MDGA2: variants seen among roughly 807,000 people sequenced by gnomAD.
MDGA2 encodes MAM domain-containing glycosylphosphatidylinositol anchor protein 2.
A neutral mutation model predicts 117.8 loss-of-function variants in MDGA2; 40 were observed. The ratio of observed to expected loss-of-function variants is 0.34; its 90% CI spans 0.26 to 0.44. MDGA2 has a LOEUF of 0.44. MDGA2 is among the 20% of genes least tolerant of loss of function. MDGA2 has a pLI of 1.00. For missense variants in MDGA2, 1,123 were observed against 1,250.6 expected (o/e 0.90, Z 1.54); for synonymous variants, 452 against 439.0 (o/e 1.03, Z -0.37).
At chr14:47,247,679 C>T (rs1808628727) in intron 2 of MDGA2, among the ~76,000 whole-genome samples, 1 of 148,058 alleles carries the variant, frequency 6.8e-6, no homozygotes, top group Non-Finnish European at 1.5e-5. Context: ...TTCTGGGATA[C>T]ATGTGCAGAA....
At chr14:47,441,848 T>C (rs965074425) in intron 1 of MDGA2, among the ~76,000 whole-genome samples, 1 of 152,178 alleles carries the variant, frequency 6.6e-6, no homozygotes, top group Non-Finnish European at 1.5e-5. Context: ...AGGACAAAGC[T>C]GAGAATGATT....
intron 1 of MDGA2, among the ~76,000 whole-genome samples, chr14:47,426,148 T>C (rs958322434): frequency 1.3e-5 from 2 of 152,124 alleles, no homozygotes; most frequent in South Asian, 2.1e-4. Flanking sequence ...TTGGCGGGGA[T>C]ACATTCTTCT....
chr14:47,377,670 C>A (rs1891510628), intron 1 of MDGA2, among the ~76,000 whole-genome samples: 1 of 152,076 alleles, frequency 6.6e-6, no homozygotes, highest in Non-Finnish European at 1.5e-5. Flanking sequence ...GGGAGAGGGG[C>A]ATCTGTCATT....
chr14:47,060,928 A>T (rs1889859482), intron 7 of MDGA2, among the ~76,000 whole-genome samples: 1 of 151,954 alleles, frequency 6.6e-6, no homozygotes, highest in Non-Finnish European at 1.5e-5. Flanking sequence ...TTTGTTGTTT[A>T]ATTTTATTAA....
intron 8 of MDGA2, among the ~76,000 whole-genome samples, chr14:46,961,083 C>A (rs1885790362): frequency 6.6e-6 from 1 of 151,978 alleles, no homozygotes; most frequent in African/African-American, 2.4e-5. Flanking sequence ...GAGGTCAACT[C>A]AAAGTCTCAC....
intron 8 of MDGA2, among the ~76,000 whole-genome samples, chr14:47,010,603 G>A (rs1332281428): frequency 6.6e-6 from 1 of 151,402 alleles, no homozygotes; most frequent in Admixed American, 6.6e-5. Flanking sequence ...GAACATTTAG[G>A]GGAGTCATTA....
intron 1 of MDGA2, among the ~76,000 whole-genome samples, chr14:47,353,628 G>A (rs1199748272): frequency 6.6e-6 from 1 of 152,136 alleles, no homozygotes; most frequent in African/African-American, 2.4e-5. Context: ...GAAAGCCTGA[G>A]TAGACCAATA....
intron 1 of MDGA2, among the ~76,000 whole-genome samples, chr14:47,513,028 A>G (rs963902460): frequency 6.6e-6 from 1 of 152,082 alleles, no homozygotes; most frequent in Non-Finnish European, 1.5e-5. Flanking sequence ...TCTTCAAGAT[A>G]AGAACTGTTT....
chr14:47,088,424 G>T (rs1035406889), intron 6 of MDGA2, among the ~76,000 whole-genome samples: 3 of 152,152 alleles, frequency 2.0e-5, no homozygotes, highest in Non-Finnish European at 2.9e-5. Context: ...TTTGGGGAAT[G>T]TGAAGGCATT....
chr14:47,137,997 T>G (rs1366292453), intron 4 of MDGA2, among the ~76,000 whole-genome samples: 4 of 152,156 alleles, frequency 2.6e-5, no homozygotes, highest in Non-Finnish European at 1.5e-5. Flanking sequence ...GGAATATTGT[T>G]TAAAATAACA....
intron 16 of MDGA2, among the ~76,000 whole-genome samples, chr14:46,843,528 C>A (rs184010436): frequency 8.5e-5 from 13 of 152,148 alleles, no homozygotes; most frequent in Middle Eastern, 3.4e-3. Context: ...TTTTCTAAAG[C>A]AGAACTAGAC....
At chr14:47,298,347 T>G (rs1175407668) in intron 2 of MDGA2, among the ~76,000 whole-genome samples, 2 of 152,074 alleles carry the variant, frequency 1.3e-5, no homozygotes, top group African/African-American at 2.4e-5. Context: ...ATAAAAAAAA[T>G]TAAAGAGGCT....
intron 14 of MDGA2, among the ~76,000 whole-genome samples, chr14:46,870,673 A>G (rs977999789): frequency 6.6e-6 from 1 of 151,988 alleles, no homozygotes; most frequent in African/African-American, 2.4e-5. Context: ...CATAGGGGTC[A>G]AAATGTAAAT....
intron 7 of MDGA2, among the ~76,000 whole-genome samples, chr14:47,041,631 CA>C (rs143408374): frequency 0.2 from 30,379 of 151,910 alleles, 3,100 homozygotes; most frequent in Admixed American, 0.29. Flanking sequence ...TTTCTCATTC[CA>C]AACGTAAATA....
chr14:47,303,137 A>G (rs1889335909), intron 1 of MDGA2, among the ~76,000 whole-genome samples: 1 of 152,158 alleles, frequency 6.6e-6, no homozygotes, highest in Non-Finnish European at 1.5e-5. Flanking sequence ...GAGACCTGAT[A>G]TATCTGCAGG....
intron 10 of MDGA2, among the ~76,000 whole-genome samples, chr14:46,892,768 TA>T (rs1882931459): frequency 6.6e-6 from 1 of 151,938 alleles, no homozygotes; most frequent in African/African-American, 2.4e-5. Context: ...TCAATATCAC[TA>T]ACCATCATGA....
At chr14:46,943,585 CAT>C (rs1266047956) in intron 9 of MDGA2, among the ~76,000 whole-genome samples, 1 of 152,040 alleles carries the variant, frequency 6.6e-6, no homozygotes, top group Non-Finnish European at 1.5e-5. Flanking sequence ...TACCAGTTAA[CAT>C]ATCACATTCC....
At chr14:47,603,731 T>G (rs1285763335) in intron 1 of MDGA2, among the ~76,000 whole-genome samples, 2 of 152,108 alleles carry the variant, frequency 1.3e-5, no homozygotes, top group Non-Finnish European at 2.9e-5. Context: ...GTGTCCCCTC[T>G]AAATATCATG....
At chr14:47,006,577 T>TA (rs769309916) in intron 8 of MDGA2, among the ~76,000 whole-genome samples, 1 of 151,114 alleles carries the variant, frequency 6.6e-6, no homozygotes, top group Non-Finnish European at 1.5e-5. Context: ...TTAAATAATA[T>TA]AAATCAAGTG....
Sources: allele counts gnomAD v4.1 joint callset (sites outside exome capture counted in the v4.1 genomes callset), GRCh38; gene constraint gnomAD v4.1.1; transcripts MANE v1.5; gene names NCBI Gene and HGNC (gene_info 2026-07-23, HGNC 2026-07-21).